The following ATP11C variants were observed in gnomAD, a reference collection of about 807,000 sequenced individuals.
The protein encoded by ATP11C is ATPase phospholipid transporting 11C (ATP11C blood group).
Under a neutral mutation model 97.4 loss-of-function variants are expected in ATP11C, and 36 were observed. The ratio of observed to expected loss-of-function variants is 0.37; its 90% confidence interval spans 0.28 to 0.49. ATP11C has a LOEUF of 0.49. ATP11C is among the 20% of genes least tolerant of loss of function. ATP11C has a pLI of 0.98. For synonymous variants in ATP11C, 275 were observed against 290.9 expected, an observed-to-expected ratio of 0.95 and a Z score of 0.56; for missense variants, 730 against 824.6, an observed-to-expected ratio of 0.89 and a Z score of 1.40.
intron 2 of ATP11C, 78 bp from the exon 3 acceptor site, chrX:139,819,505 C>G: frequency 2.6e-6 from 1 of 382,224 alleles, no homozygotes; most frequent in East Asian, 4.0e-5. Context: ...GATTATGGGT[C>G]CACATTATCA....
At chrX:139,907,358 A>G (rs2084996548) in intron 1 of ATP11C, among the ~76,000 whole-genome samples, 1 of 111,081 alleles carries the variant, frequency 9.0e-6, no homozygotes, top group Non-Finnish European at 1.9e-5. Flanking sequence ...CTTCTCCTGG[A>G]CTCCCTTTCC....
intron 1 of ATP11C, among the ~76,000 whole-genome samples, chrX:139,857,419 G>A (rs965097630): frequency 4.5e-5 from 5 of 111,197 alleles, no homozygotes; most frequent in African/African-American, 1.3e-4. Context: ...TAACTTCCTC[G>A]TAAAGAATCT....
chrX:139,795,658 G>A (rs1432254049), intron 12 of ATP11C, among the ~76,000 whole-genome samples: 6 of 112,027 alleles, frequency 5.4e-5, no homozygotes, highest in Non-Finnish European at 1.1e-4. Context: ...ATCACTTGAA[G>A]AATTACAGCC....
At chrX:139,889,472 T>G (rs2084695902) in intron 1 of ATP11C, among the ~76,000 whole-genome samples, 1 of 111,820 alleles carries the variant, frequency 8.9e-6, no homozygotes, top group Non-Finnish European at 1.9e-5. Context: ...GACAGAAAAT[T>G]TGATTATTTT....
rs747884160 is a variant in ATP11C, at chrX:139,740,377, ACAAAACTGAT to A, written c.3134+604_3134+613del. 1.2e-4 allele frequency among the ~76,000 whole-genome samples: 13 copies of A among 111,896 alleles called. No individual in the cohort carries two copies. The South Asian group carries it at 4.9e-3, about 42-fold the overall frequency. On this transcript the variant is annotated intron_variant, in intron 27 of 29. Transcript: ENST00000682941. ...CTCTCTAACCCATAGAGTCTCAAGC[ACAAAACTGAT>A]TCTGAACAAACATCTATCTACTGAA... is the stretch of plus-strand genomic sequence containing the variant.
chrX:139,742,494 G>C (rs769873985), intron 26 of ATP11C, among the ~76,000 whole-genome samples: 4 of 111,647 alleles, frequency 3.6e-5, no homozygotes, highest in Non-Finnish European at 7.5e-5. Context: ...AAAATTTAGA[G>C]GGAAAGGTAA....
At position 139,797,215 on chromosome X, in the gene ATP11C, C is replaced by G. The variant is rs1323535656; in HGVS notation, c.969G>C (p.Trp323Cys). Reference protein sequence around the residue: ...WQSTPYNDEPWYNQKTQKERE... With the variant: ...WQSTPYNDEPCYNQKTQKERE... ...GCTCTTTCTGAGTCTTTTGGTTATA[C>G]CAAGGTTCATCATTGTATGGGGTAC... is the stretch of plus-strand genomic sequence containing the variant. The change falls in exon 11 of 30, where the codon TGG becomes TGC. Residue 323 changes from tryptophan (W) to cysteine (C), a missense_variant. Trp to Cys is a radical substitution (Grantham distance 215). Coordinates refer to ENST00000682941, the MANE Select transcript of ATP11C (RefSeq NM_001353812.2). 1 of 1,204,831 alleles carries G rather than the reference C, an allele frequency of 8.3e-7. No homozygotes were observed. The highest frequency in any genetic ancestry group is 1.8e-5 in the South Asian group (1 of 55,589).
At chrX:139,812,608 G>A (rs892055068) in intron 5 of ATP11C, among the ~76,000 whole-genome samples, 1 of 106,362 alleles carries the variant, frequency 9.4e-6, no homozygotes, top group South Asian at 4.3e-4. Context: ...GCAGTGGCTC[G>A]ATCTCGGATC....
intron 1 of ATP11C, among the ~76,000 whole-genome samples, chrX:139,863,336 C>T (rs952032881): frequency 1.8e-5 from 2 of 111,383 alleles, no homozygotes; most frequent in African/African-American, 6.5e-5. Context: ...AGTTCGAGAC[C>T]AGCCTGGCCA....
chrX:139,933,036 A>G lies in ATP11C; in HGVS notation c.-994T>C, dbSNP rs1464846505. 2 of 111,748 alleles carry G rather than the reference A, an allele frequency of 1.8e-5. No homozygotes were observed. Among genetic ancestry groups the G allele is most frequent in the Non-Finnish European group, 3.8e-5 (2 of 53,004 alleles). 9.2% of individuals were successfully genotyped at this position (111,748 alleles called of 1,213,427 possible). A position where few individuals can be genotyped will look rare whatever the true frequency, so the allele number is the denominator to read the frequency against. On this transcript the variant is annotated 5_prime_UTR_variant, in exon 1 of 30. Coordinates refer to ENST00000682941, the MANE Select transcript of ATP11C (RefSeq NM_001353812.2). ...TTACTTCCACTTTCTCTGAGGTTGTAAAGTCAGGCTTTGTGTCGTTGCTGC... is the reference window on the plus strand; with the variant it reads ...TTACTTCCACTTTCTCTGAGGTTGTGAAGTCAGGCTTTGTGTCGTTGCTGC...
Position 139,895,417 on chromosome X carries a change from C to T in ATP11C, c.27+36599G>A, listed in dbSNP as rs193286294. Among the ~76,000 whole-genome samples, 278 of 110,908 alleles carry T rather than the reference C, an allele frequency of 2.5e-3. 3 individuals carry two copies. Among genetic ancestry groups the T allele is most frequent in the African/African-American group, 8.6e-3 (262 of 30,570 alleles). On this transcript the variant is annotated intron_variant, in intron 1 of 29. Coordinates refer to ENST00000682941, the MANE Select transcript of ATP11C (RefSeq NM_001353812.2). The stretch of plus-strand genomic sequence containing the variant: ...TCCTGAGTAGCTGGGATTACAGGTG[C>T]GCACCACCACACCCAGCTAATTTTG...
chrX:139,924,761 T>C lies in ATP11C; in HGVS notation c.27+7255A>G, dbSNP rs138552796. ...TTCCCTAGTAGACATTTCACACAAG[T>C]TGTCAAAACTCATTTGCTAGAGGAA... On this transcript the variant is annotated intron_variant, in intron 1 of 29. Transcript: ENST00000682941. Among the ~76,000 whole-genome samples, 283 of 111,749 alleles carry C rather than the reference T, an allele frequency of 2.5e-3. 2 individuals carry two copies. The highest frequency in any genetic ancestry group is 7.5e-3 in the African/African-American group (230 of 30,739).
At chrX:139,731,373 C>T (rs758561719) in intron 29 of ATP11C, among the ~76,000 whole-genome samples, 5 of 112,212 alleles carry the variant, frequency 4.5e-5, no homozygotes, top group Non-Finnish European at 9.4e-5. Flanking sequence ...CTTGCCATGA[C>T]AACTTGCCCC....
intron 1 of ATP11C, among the ~76,000 whole-genome samples, chrX:139,837,705 G>A (rs2083769096): frequency 8.9e-6 from 1 of 112,230 alleles, no homozygotes; most frequent in African/African-American, 3.2e-5. Context: ...ATTTGCATTG[G>A]TAGCATTATT....
intron 1 of ATP11C, among the ~76,000 whole-genome samples, chrX:139,910,386 C>T (rs1156821011): frequency 9.0e-6 from 1 of 110,565 alleles, no homozygotes; most frequent in Non-Finnish European, 1.9e-5. Flanking sequence ...GCGGGCAGAT[C>T]ACGAGGTCAG....
chrX:139,746,649 T>C (rs1384295100), intron 24 of ATP11C, among the ~76,000 whole-genome samples: 1 of 111,738 alleles, frequency 8.9e-6, no homozygotes, highest in Non-Finnish European at 1.9e-5. Context: ...AATAACATGT[T>C]TGCAGTTGTA....
chrX:139,744,608 G>C (rs2081640970), intron 25 of ATP11C, among the ~76,000 whole-genome samples: 1 of 111,767 alleles, frequency 8.9e-6, no homozygotes, highest in South Asian at 3.7e-4. Flanking sequence ...AAAAGTGAAA[G>C]CTGCACAATC....
rs200709577 is a variant in ATP11C, at chrX:139,782,733, G to A, written c.1771-5C>T. On this transcript the variant is annotated splice_region_variant and splice_polypyrimidine_tract_variant and intron_variant, in intron 17 of 29. Coordinates refer to ENST00000682941, the MANE Select transcript of ATP11C (RefSeq NM_001353812.2). Reference sequence around the variant, plus strand: ...ACAGAGTGTCCGATACCCATCCTAGGAGTAAAGTAGGAGATCTGTAGTTAT... The same window carrying A: ...ACAGAGTGTCCGATACCCATCCTAGAAGTAAAGTAGGAGATCTGTAGTTAT... 6.2e-6 allele frequency: 7 copies of A among 1,136,127 alleles called. No individual in the cohort carries two copies. The South Asian group carries it at 1.0e-4, about 16-fold the overall frequency. 93.6% of individuals were successfully genotyped at this position (1,136,127 alleles called of 1,213,427 possible). A position where few individuals can be genotyped will look rare whatever the true frequency, so the allele number is the denominator to read the frequency against.
At chrX:139,735,890 AGAT>A (rs1244198269) in intron 28 of ATP11C, among the ~76,000 whole-genome samples, 4 of 111,663 alleles carry the variant, frequency 3.6e-5, no homozygotes, top group African/African-American at 1.3e-4. Flanking sequence ...ATGTAAAGAG[AGAT>A]GTTCATCAGT....
Sources: allele counts gnomAD v4.1 joint callset (sites outside exome capture counted in the v4.1 genomes callset), GRCh38; gene constraint gnomAD v4.1.1; transcripts MANE v1.5; gene names NCBI Gene and HGNC (gene_info 2026-07-23, HGNC 2026-07-21).